Variants in ABLIM2 observed in about 807,000 individuals in gnomAD.
ABLIM2 encodes the protein actin binding LIM protein family member 2.
Under a neutral mutation model 97.7 loss-of-function variants are expected in ABLIM2, and 53 were observed. The ratio of observed to expected loss-of-function variants is 0.54; its 90% CI spans 0.44 to 0.68. The LOEUF is 0.68. Ranked by LOEUF, ABLIM2 falls within the 30% of genes least tolerant of loss-of-function variation. ABLIM2 has a pLI of 0.00. For synonymous variants in ABLIM2, 361 were observed against 345.8 expected (o/e 1.04, Z -0.49); for missense variants, 835 against 867.2 (o/e 0.96, Z 0.47).
intron 8 of ABLIM2, among the ~76,000 whole-genome samples, chr4:8,050,238 CA>C (rs1795100269): frequency 6.6e-6 from 1 of 152,294 alleles, no homozygotes; most frequent in African/African-American, 2.4e-5. Context: ...ATATTTGACT[CA>C]GAATGAATCT....
intron 2 of ABLIM2, among the ~76,000 whole-genome samples, chr4:8,103,363 T>C (rs1317418890): frequency 6.6e-6 from 1 of 152,254 alleles, no homozygotes; most frequent in Non-Finnish European, 1.5e-5. Flanking sequence ...TTTGAAAGCT[T>C]GCAGGAAATC....
chr4:8,104,209 G>T (rs1836047625), intron 2 of ABLIM2, among the ~76,000 whole-genome samples: 1 of 152,202 alleles, frequency 6.6e-6, no homozygotes, highest in African/African-American at 2.4e-5. Flanking sequence ...AATGTGGGAG[G>T]ATGGAGGCCG....
At position 7,992,982 on chromosome 4, in the gene ABLIM2, G is replaced by C. The variant is rs941723236; in HGVS notation, c.1619-55C>G. 12 of 1,579,970 alleles carry C rather than the reference G, an allele frequency of 7.6e-6. No individual in the cohort carries two copies. The highest frequency in any genetic ancestry group is 1.0e-5 in the Non-Finnish European group (12 of 1,155,362). On this transcript the variant is annotated intron_variant, in intron 16 of 20. Transcript: ENST00000447017. This position sits in a 1 kb window ranked among gnomAD's most constrained non-coding sequence, Gnocchi z 5.7. ...GCGCGCAGACTCGGTGCAGCAATGG[G>C]GGTGCAGCCCTGGGGGGGCTTCCCA...
intron 15 of ABLIM2, among the ~76,000 whole-genome samples, chr4:8,008,686 A>G (rs1762922379): frequency 2.6e-5 from 4 of 152,246 alleles, no homozygotes; most frequent in African/African-American, 2.4e-5. Flanking sequence ...GAGATGGTTC[A>G]GCCCACAAAG....
In ABLIM2 at chr4:8,061,451, T is replaced by G. The variant is rs185985860; in HGVS notation, c.676-397A>C. Among the ~76,000 whole-genome samples the G allele has an allele frequency of 6.6e-6, 1 of 151,926 alleles. No individual in the cohort carries two copies. Among genetic ancestry groups the G allele is most frequent in the Non-Finnish European group, 1.5e-5 (1 of 67,956 alleles). On this transcript the variant is annotated intron_variant, in intron 6 of 20. Transcript: ENST00000447017. The surrounding 1 kb of genome is among the most constrained non-coding windows in gnomAD (Gnocchi z 4.5). The stretch of plus-strand genomic sequence containing the variant: ...AGAGGGAGGGGAGGGAAAGATAATA[T>G]GATTTCCCTAGGTGCAAGAATTAGG...
At chr4:8,066,617 C>G (rs573648370) in intron 6 of ABLIM2, 3 of 152,208 alleles carry the variant, frequency 2.0e-5, no homozygotes, top group Non-Finnish European at 4.4e-5. Context: ...TGGATGAACT[C>G]TGAAAACGTG....
intron 1 of ABLIM2, among the ~76,000 whole-genome samples, chr4:8,156,117 G>A (rs1248389188): frequency 1.3e-5 from 2 of 152,164 alleles, no homozygotes; most frequent in African/African-American, 4.8e-5. Flanking sequence ...AGGATATTTA[G>A]GCTCAGAAGG....
Position 8,127,687 on chromosome 4 carries a change from A to G in ABLIM2, c.11-21050T>C. ...GACCGGGGAAGAGCCTCTGTGGCCC[A>G]CAGGGCTCCCACAAGGTCACGTGGC... On this transcript the variant is annotated intron_variant, in intron 1 of 20. Transcript: ENST00000447017. This position sits in a 1 kb window ranked among gnomAD's most constrained non-coding sequence, Gnocchi z 7.3. The G allele has an allele frequency of 7.9e-7, 1 of 1,260,864 alleles. No homozygotes were observed. Among genetic ancestry groups the G allele is most frequent in the Admixed American group, 2.4e-5 (1 of 41,982 alleles). 78.1% of individuals were successfully genotyped at this position (1,260,864 alleles called of 1,614,324 possible).
rs1767898924 is a variant in ABLIM2, at chr4:8,015,028, C to A, written c.1423+4590G>T. Among the ~76,000 whole-genome samples, 1 of 151,864 alleles carries A rather than the reference C, an allele frequency of 6.6e-6. No homozygotes were observed. The highest frequency in any genetic ancestry group is 1.9e-4 in the East Asian group (1 of 5,146). ...CTCCGCCTCCCAGGTTCAAGCAATTCTCGTACTTCAGCCTCCCGAGTAGCT... is the reference window on the plus strand; with the variant it reads ...CTCCGCCTCCCAGGTTCAAGCAATTATCGTACTTCAGCCTCCCGAGTAGCT... On this transcript the variant is annotated intron_variant, in intron 14 of 20. Transcript: ENST00000447017. This position sits in a 1 kb window ranked among gnomAD's most constrained non-coding sequence, Gnocchi z 4.6.
At position 8,044,777 on chromosome 4, in the gene ABLIM2, T is replaced by G. The variant is rs1353066949; in HGVS notation, c.900+387A>C. ...CACGCTGGGAGAGCGTGCGTGTTGA[T>G]GTACACAGATCCGTGCCGTTATTTG... On this transcript the variant is annotated intron_variant, in intron 9 of 20. Coordinates refer to ENST00000447017, the MANE Select transcript of ABLIM2 (RefSeq NM_001130083.2). This position sits in a 1 kb window ranked among gnomAD's most constrained non-coding sequence, Gnocchi z 4.4. 1.3e-5 allele frequency among the ~76,000 whole-genome samples: 2 copies of G among 152,112 alleles called. No homozygotes were observed. The highest frequency in any genetic ancestry group is 1.5e-5 in the Non-Finnish European group (1 of 68,032).
chr4:8,039,380 C>A (rs533373363), intron 9 of ABLIM2, among the ~76,000 whole-genome samples: 1 of 152,314 alleles, frequency 6.6e-6, no homozygotes, highest in East Asian at 1.9e-4. Flanking sequence ...ACCACCCAGC[C>A]CTGACAGCAG....
At chr4:8,114,497 C>A (rs1315892236) in intron 1 of ABLIM2, among the ~76,000 whole-genome samples, 1 of 152,146 alleles carries the variant, frequency 6.6e-6, no homozygotes, top group East Asian at 1.9e-4. Context: ...AAGAGCAGGT[C>A]CAGGCCTCCC....
At position 8,068,128 on chromosome 4, in the gene ABLIM2, C is replaced by A. The variant is rs564085217; in HGVS notation, c.676-7074G>T. On this transcript the variant is annotated intron_variant, in intron 6 of 20. Coordinates refer to ENST00000447017, the MANE Select transcript of ABLIM2 (RefSeq NM_001130083.2). The surrounding 1 kb of genome is among the most constrained non-coding windows in gnomAD (Gnocchi z 4.5). Reference sequence around the variant, plus strand: ...TGGCCACATCCTCCCAATTGCCACCCGAGGAGTGCCTGAAACCTCGGCCGC... The same window carrying A: ...TGGCCACATCCTCCCAATTGCCACCAGAGGAGTGCCTGAAACCTCGGCCGC... 6.6e-6 allele frequency among the ~76,000 whole-genome samples: 1 copy of A among 152,134 alleles called. No individual in the cohort carries two copies. The highest frequency in any genetic ancestry group is 1.5e-5 in the Non-Finnish European group (1 of 68,024).
chr4:8,096,210 A>G (rs1831501280), intron 3 of ABLIM2, among the ~76,000 whole-genome samples: 1 of 152,164 alleles, frequency 6.6e-6, no homozygotes. Flanking sequence ...CAGAGTCTGG[A>G]AATGGTTGTT....
At chr4:8,137,799 C>T (rs1850394903) in intron 1 of ABLIM2, among the ~76,000 whole-genome samples, 1 of 152,224 alleles carries the variant, frequency 6.6e-6, no homozygotes, top group African/African-American at 2.4e-5. Context: ...TTTGATCCGG[C>T]AGTCCCACTT....
rs1273437419 is a variant in ABLIM2, at chr4:8,152,417, A to G, written c.10+6263T>C. Among the ~76,000 whole-genome samples, 4 of 147,782 alleles carry G rather than the reference A, an allele frequency of 2.7e-5. No individual in the cohort carries two copies. The East Asian group carries it at 8.9e-4, about 33-fold the overall frequency. ...ACCGGCCGCTCCGAGCAGCGCTGCG[A>G]GGACCCCGGGAGGAAACCTATACGA... is the stretch of plus-strand genomic sequence containing the variant. On this transcript the variant is annotated intron_variant, in intron 1 of 20. Transcript: ENST00000447017.
intron 20 of ABLIM2, among the ~76,000 whole-genome samples, chr4:7,978,181 C>A (rs764695507): frequency 6.6e-6 from 1 of 152,156 alleles, no homozygotes; most frequent in South Asian, 2.1e-4. Flanking sequence ...TCCTGCACCC[C>A]CTCTGGCTCA....
chr4:8,066,954 A>G (rs1285691790), intron 6 of ABLIM2: 1 of 152,248 alleles, frequency 6.6e-6, no homozygotes, highest in Non-Finnish European at 1.5e-5. Context: ...CAACTTTTGA[A>G]TGACCAACCA....
chr4:8,158,532 G>C (rs1055561819), intron 1 of ABLIM2, 148 bp downstream of exon 1: 40 of 975,830 alleles, frequency 4.1e-5, no homozygotes, highest in Non-Finnish European at 5.2e-5. Context: ...TGGCCCCTCG[G>C]GGCTGCAAAA....
Sources: gnomAD v4.1 joint callset for allele counts (sites outside exome capture counted in the v4.1 genomes callset) on GRCh38, gnomAD v4.1.1 for gene constraint, Gnocchi (gnomAD v3.1) non-coding constraint, MANE v1.5 for transcripts, NCBI Gene and HGNC (gene_info 2026-07-23, HGNC 2026-07-21) for gene names.